UBE2E3: variants seen among roughly 807,000 people sequenced by gnomAD.
The protein encoded by UBE2E3 is ubiquitin conjugating enzyme E2 E3.
A neutral mutation model predicts 23.6 loss-of-function variants in UBE2E3; 5 were observed. The ratio of observed to expected loss-of-function variants is 0.21; its 90% CI spans 0.11 to 0.44. The LOEUF (loss-of-function observed/expected upper bound fraction) is 0.44, where lower values mean the gene tolerates loss of function less well. UBE2E3 is among the 20% of genes least tolerant of loss of function. UBE2E3 has a pLI of 0.99. For missense variants in UBE2E3, 81 were observed against 249.8 expected (o/e 0.32, Z 4.55); for synonymous variants, 78 against 87.5 (o/e 0.89, Z 0.60).
intron 3 of UBE2E3, among the ~76,000 whole-genome samples, chr2:181,056,966 A>G (rs557891682): frequency 1.1e-4 from 17 of 151,884 alleles, no homozygotes; most frequent in African/African-American, 4.1e-4. Flanking sequence ...TATTTCAGCC[A>G]GAAATGCGTT....
At chr2:181,022,845 T>C (rs1311861422) in intron 3 of UBE2E3, among the ~76,000 whole-genome samples, 2 of 152,162 alleles carry the variant, frequency 1.3e-5, no homozygotes, top group African/African-American at 4.8e-5. Context: ...CTCTGCGCAT[T>C]GTCTGTAAAT....
rs1686386426 is a variant in UBE2E3, at chr2:181,038,943, G to A, written c.246-18750G>A. Reference sequence around the variant, plus strand: ...ACAGGATGAGGAAGGATGTGTAGCCGTTGAAACTCTCATACATTACCATTG... The same window carrying A: ...ACAGGATGAGGAAGGATGTGTAGCCATTGAAACTCTCATACATTACCATTG... On this transcript the variant is annotated intron_variant, in intron 3 of 5. Transcript: ENST00000410062. Among the ~76,000 whole-genome samples, 5 of 152,208 alleles carry A rather than the reference G, an allele frequency of 3.3e-5. No individual in the cohort carries two copies. In the South Asian group the frequency reaches 6.2e-4, roughly 19 times the overall value.
chr2:181,053,165 G>GCCTC (rs1447230446), intron 3 of UBE2E3, among the ~76,000 whole-genome samples: 2 of 151,798 alleles, frequency 1.3e-5, no homozygotes, highest in Non-Finnish European at 2.9e-5. Context: ...AGGCCAGAGT[G>GCCTC]AATACCTGCC....
At chr2:181,003,762 C>T (rs1367035634) in intron 3 of UBE2E3, among the ~76,000 whole-genome samples, 1 of 152,186 alleles carries the variant, frequency 6.6e-6, no homozygotes, top group African/African-American at 2.4e-5. Context: ...TGAATTGTTA[C>T]AAGTATCACT....
intron 3 of UBE2E3, among the ~76,000 whole-genome samples, chr2:181,050,978 T>C (rs1686829981): frequency 6.6e-6 from 1 of 151,816 alleles, no homozygotes; most frequent in South Asian, 2.1e-4. Flanking sequence ...AGCTTGAACA[T>C]TTTTTTAAAG....
intron 3 of UBE2E3, among the ~76,000 whole-genome samples, chr2:181,039,248 A>C (rs772736475): frequency 1.3e-5 from 2 of 150,890 alleles, no homozygotes; most frequent in Non-Finnish European, 3.0e-5. Context: ...TACATTTGTC[A>C]AAACTTAGCA....
At chr2:181,036,440 C>G (rs937531074) in intron 3 of UBE2E3, among the ~76,000 whole-genome samples, 1 of 152,230 alleles carries the variant, frequency 6.6e-6, no homozygotes, top group Non-Finnish European at 1.5e-5. Flanking sequence ...AAACCTGATT[C>G]CTGGCAGGGG....
chr2:180,981,991 C>T (rs978132936), intron 1 of UBE2E3, 27 bp from the exon 2 acceptor site: 2 of 1,480,476 alleles, frequency 1.4e-6, no homozygotes, highest in Non-Finnish European at 1.8e-6. Context: ...ACATTTTCTC[C>T]TCCTCCTCCC....
chr2:181,021,487 CTCTT>C (rs1265494449), intron 3 of UBE2E3, among the ~76,000 whole-genome samples: 1 of 131,402 alleles, frequency 7.6e-6, no homozygotes, highest in Non-Finnish European at 1.6e-5. Flanking sequence ...TTCTCTCTCT[CTCTT>C]CCTTTCCTTT....
intron 3 of UBE2E3, among the ~76,000 whole-genome samples, chr2:181,008,575 G>C (rs1227733071): frequency 6.6e-6 from 1 of 152,222 alleles, no homozygotes; most frequent in Non-Finnish European, 1.5e-5. Flanking sequence ...ATGTTTCCCT[G>C]TTCCAAGCCA....
intron 3 of UBE2E3, among the ~76,000 whole-genome samples, chr2:181,015,896 C>T (rs891331864): frequency 6.6e-6 from 1 of 151,962 alleles, no homozygotes; most frequent in Non-Finnish European, 1.5e-5. Context: ...AGTGCCCAAA[C>T]TAGAAACTGG....
chr2:180,999,930 G>A (rs1004343912), intron 3 of UBE2E3, among the ~76,000 whole-genome samples: 1 of 152,136 alleles, frequency 6.6e-6, no homozygotes, highest in Non-Finnish European at 1.5e-5. Flanking sequence ...GTTTATGAAA[G>A]AACATTTTGA....
chr2:181,017,810 T>C (rs1289936586), intron 3 of UBE2E3, among the ~76,000 whole-genome samples: 1 of 149,540 alleles, frequency 6.7e-6, no homozygotes, highest in African/African-American at 2.5e-5. Flanking sequence ...CTAAAACGGG[T>C]ATCTGCTAAC....
intron 3 of UBE2E3, among the ~76,000 whole-genome samples, chr2:181,054,958 G>A (rs1396408697): frequency 6.6e-6 from 1 of 151,750 alleles, no homozygotes; most frequent in Non-Finnish European, 1.5e-5. Flanking sequence ...AGGAATGAAA[G>A]AGAAAGTGTA....
intron 3 of UBE2E3, among the ~76,000 whole-genome samples, chr2:181,036,101 T>C (rs1022560307): frequency 2.0e-5 from 3 of 152,206 alleles, no homozygotes; most frequent in African/African-American, 7.2e-5. Context: ...GGCAACATCT[T>C]GTACATTCTA....
Position 181,020,313 on chromosome 2 carries a change from CTGAG to C in UBE2E3, c.245+36222_245+36225del, listed in dbSNP as rs377263289. Among the ~76,000 whole-genome samples the C allele has an allele frequency of 7.2e-5, 11 of 152,292 alleles. 1 individual carries two copies. The highest frequency in any genetic ancestry group is 2.6e-4 in the African/African-American group (11 of 41,568). ...CCATTGTCACATGGCTGCCTTCTTC[CTGAG>C]TATCTCTGTCTCTCTTCTCTTCTTG... On this transcript the variant is annotated intron_variant, in intron 3 of 5. Coordinates refer to ENST00000410062, the MANE Select transcript of UBE2E3 (RefSeq NM_006357.4).
intron 3 of UBE2E3, among the ~76,000 whole-genome samples, chr2:181,018,021 C>T (rs751770419): frequency 6.6e-6 from 1 of 151,652 alleles, no homozygotes; most frequent in Non-Finnish European, 1.5e-5. Flanking sequence ...ACCTAGAAGA[C>T]CACCCTAATT....
intron 3 of UBE2E3, among the ~76,000 whole-genome samples, chr2:181,017,523 C>T (rs2105618503): frequency 6.6e-6 from 1 of 151,898 alleles, no homozygotes; most frequent in South Asian, 2.1e-4. Context: ...GGGAAGACAG[C>T]GTGTATGTGT....
intron 3 of UBE2E3, among the ~76,000 whole-genome samples, chr2:181,053,409 C>T (rs979280528): frequency 6.6e-6 from 1 of 151,802 alleles, no homozygotes; most frequent in Non-Finnish European, 1.5e-5. Context: ...GATTTCAGAA[C>T]AAATTTTTGG....
Sources: allele counts gnomAD v4.1 joint callset (sites outside exome capture counted in the v4.1 genomes callset), GRCh38; gene constraint gnomAD v4.1.1; transcripts MANE v1.5; gene names NCBI Gene and HGNC (gene_info 2026-07-23, HGNC 2026-07-21).